Variants in MACROD2 observed in about 807,000 individuals in gnomAD.
The protein encoded by MACROD2 is ADP-ribose glycohydrolase MACROD2.
MACROD2 carries 36 observed loss-of-function variants against 70.4 expected under a neutral mutation model. The observed-to-expected ratio is 0.51, with a 90% CI of 0.39 to 0.68. The LOEUF (loss-of-function observed/expected upper bound fraction) is 0.68, where lower values mean the gene tolerates loss of function less well. Among genes scored for constraint, MACROD2 ranks in the 30% least tolerant of loss-of-function variants. The pLI, the probability that MACROD2 is intolerant of heterozygous loss-of-function variation, is 0.00. For synonymous variants in MACROD2, 172 were observed against 178.8 expected, an observed-to-expected ratio of 0.96 and a Z score of 0.30; for missense variants, 496 against 538.4, an observed-to-expected ratio of 0.92 and a Z score of 0.78.
intron 5 of MACROD2, among the ~76,000 whole-genome samples, chr20:14,816,534 A>C (rs966402547): frequency 2.0e-5 from 3 of 152,086 alleles, no homozygotes; most frequent in Non-Finnish European, 2.9e-5. Context: ...TCATCTGTAT[A>C]AATTGATCAC....
At chr20:14,511,350 A>G (rs1032358097) in intron 4 of MACROD2, among the ~76,000 whole-genome samples, 1 of 152,122 alleles carries the variant, frequency 6.6e-6, no homozygotes, top group African/African-American at 2.4e-5. Context: ...GTTATTTCAC[A>G]TTGCATGTCT....
chr20:15,152,177 G>A (rs1332582388), intron 5 of MACROD2, among the ~76,000 whole-genome samples: 1 of 151,982 alleles, frequency 6.6e-6, no homozygotes, highest in Non-Finnish European at 1.5e-5. Context: ...TGGAACCACT[G>A]TCAAGTTTGT....
chr20:15,035,404 C>CA (rs907600691), intron 5 of MACROD2, among the ~76,000 whole-genome samples: 318 of 141,470 alleles, frequency 2.2e-3, no homozygotes, highest in African/African-American at 8.2e-3. Flanking sequence ...ACCTTGTCTC[C>CA]AAAAAAATAA....
chr20:14,327,680 G>C, intron 3 of MACROD2: 4 of 718,542 alleles, frequency 5.6e-6, no homozygotes, highest in Non-Finnish European at 8.6e-6. Context: ...CATTTGTTTT[G>C]GGAGGGGGCA....
At chr20:15,985,087 C>T (rs1169687794) in intron 13 of MACROD2, among the ~76,000 whole-genome samples, 1 of 152,184 alleles carries the variant, frequency 6.6e-6, no homozygotes, top group Non-Finnish European at 1.5e-5. Flanking sequence ...GTCTATTTCA[C>T]ACAAAGTTCT....
chr20:15,965,853 T>G (rs1336369152), intron 12 of MACROD2, among the ~76,000 whole-genome samples: 2 of 152,182 alleles, frequency 1.3e-5, no homozygotes, highest in African/African-American at 4.8e-5. Flanking sequence ...AATTTGGACT[T>G]TTAGACTTAT....
intron 3 of MACROD2, among the ~76,000 whole-genome samples, chr20:14,358,664 G>C (rs2083194824): frequency 1.3e-5 from 2 of 151,940 alleles, no homozygotes; most frequent in Non-Finnish European, 2.9e-5. Context: ...TACCATGTTG[G>C]CCAGGATGGT....
intron 3 of MACROD2, among the ~76,000 whole-genome samples, chr20:14,214,221 C>A (rs1241184799): frequency 6.6e-6 from 1 of 152,126 alleles, no homozygotes; most frequent in Non-Finnish European, 1.5e-5. Flanking sequence ...TGGTCATGAT[C>A]ACATCTGTGT....
intron 8 of MACROD2, among the ~76,000 whole-genome samples, chr20:15,622,273 T>G (rs1410606808): frequency 6.6e-6 from 1 of 152,244 alleles, no homozygotes; most frequent in African/African-American, 2.4e-5. Context: ...TGAGGAGACA[T>G]TCTCCAAGGA....
intron 5 of MACROD2, among the ~76,000 whole-genome samples, chr20:15,031,782 C>T (rs188135882): frequency 2.6e-5 from 4 of 152,298 alleles, no homozygotes; most frequent in African/African-American, 9.6e-5. Flanking sequence ...CATAAATTCT[C>T]TCTGGGCCAT....
chr20:15,672,305 G>A (rs2049990515), intron 8 of MACROD2, among the ~76,000 whole-genome samples: 2 of 150,784 alleles, frequency 1.3e-5, no homozygotes. Context: ...GATTAGTAAT[G>A]CTAGTTAAGC....
At chr20:14,265,618 A>G (rs2082137975) in intron 3 of MACROD2, among the ~76,000 whole-genome samples, 1 of 152,160 alleles carries the variant, frequency 6.6e-6, no homozygotes, top group African/African-American at 2.4e-5. Flanking sequence ...GTCAGTCCAT[A>G]CAACACTCTC....
At chr20:14,002,799 A>T (rs1407539024) in intron 2 of MACROD2, among the ~76,000 whole-genome samples, 1 of 152,128 alleles carries the variant, frequency 6.6e-6, no homozygotes, top group African/African-American at 2.4e-5. Context: ...TGAAAGAGAG[A>T]GTATATTAGG....
intron 3 of MACROD2, among the ~76,000 whole-genome samples, chr20:14,426,593 TAA>T (rs939403240): frequency 2.0e-5 from 3 of 152,206 alleles, no homozygotes; most frequent in African/African-American, 7.2e-5. Flanking sequence ...TTTTTGTGCA[TAA>T]GTTTGTCCAT....
intron 3 of MACROD2, among the ~76,000 whole-genome samples, chr20:14,143,525 G>A (rs2054903899): frequency 6.6e-6 from 1 of 151,894 alleles, no homozygotes; most frequent in Non-Finnish European, 1.5e-5. Context: ...TCTGATATGT[G>A]TGGAATTCCT....
At chr20:15,328,654 A>G (rs1362970144) in intron 6 of MACROD2, among the ~76,000 whole-genome samples, 1 of 152,136 alleles carries the variant, frequency 6.6e-6, no homozygotes, top group Non-Finnish European at 1.5e-5. Context: ...TGGCCATATC[A>G]GTGGACTTGC....
intron 5 of MACROD2, among the ~76,000 whole-genome samples, chr20:15,209,190 T>C (rs1250600818): frequency 2.0e-5 from 3 of 152,010 alleles, no homozygotes; most frequent in Non-Finnish European, 4.4e-5. Context: ...GCTGGCTTCT[T>C]TGGGACCCAG....
chr20:15,166,239 G>A (rs1317986948), intron 5 of MACROD2, among the ~76,000 whole-genome samples: 2 of 152,162 alleles, frequency 1.3e-5, no homozygotes, highest in African/African-American at 4.8e-5. Context: ...CAAAATTTAT[G>A]TGTTGAAACC....
intron 3 of MACROD2, among the ~76,000 whole-genome samples, chr20:14,463,555 A>G (rs1427761239): frequency 6.6e-6 from 1 of 152,054 alleles, no homozygotes; most frequent in African/African-American, 2.4e-5. Flanking sequence ...TGCCCTGACC[A>G]GAACTTCCAA....
Sources: allele counts gnomAD v4.1 joint callset (sites outside exome capture counted in the v4.1 genomes callset), GRCh38; gene constraint gnomAD v4.1.1; transcripts MANE v1.5; gene names NCBI Gene and HGNC (gene_info 2026-07-23, HGNC 2026-07-21).